MIPOL1: variants seen among roughly 807,000 people sequenced by gnomAD.
The protein encoded by MIPOL1 is mirror-image polydactyly gene 1 protein.
Under a neutral mutation model 60.9 loss-of-function variants are expected in MIPOL1, and 57 were observed. The ratio of observed to expected loss-of-function variants is 0.94; its 90% CI spans 0.76 to 1.17. The LOEUF is 1.17. Among genes scored for constraint, MIPOL1 ranks in the 50% most tolerant of loss-of-function variants. The pLI is 0.00. For synonymous variants in MIPOL1, 179 were observed against 168.8 expected, an observed-to-expected ratio of 1.06 and a Z score of -0.47; for missense variants, 551 against 511.6, an observed-to-expected ratio of 1.08 and a Z score of -0.74.
intron 10 of MIPOL1, among the ~76,000 whole-genome samples, chr14:37,373,040 G>A (rs1163512647): frequency 6.6e-6 from 1 of 152,122 alleles, no homozygotes; most frequent in Non-Finnish European, 1.5e-5. Flanking sequence ...GTCTCACTCA[G>A]TCGCCCTGGC....
At chr14:37,391,051 G>A (rs2093222784) in intron 10 of MIPOL1, among the ~76,000 whole-genome samples, 1 of 151,998 alleles carries the variant, frequency 6.6e-6, no homozygotes, top group Non-Finnish European at 1.5e-5. Flanking sequence ...GTTGTTCAAA[G>A]AACAGCATTA....
rs565060475 is a variant in MIPOL1, at chr14:37,285,476, T to C, written c.623+29T>C. ...TGTACACATTTAAAACTCAGTATGA[T>C]ATTAGGAACACTTATAAAAGGCATG... On this transcript the variant is annotated intron_variant, in intron 7 of 12. Coordinates refer to ENST00000684589, the MANE Select transcript of MIPOL1 (RefSeq NM_001388067.1). 147 of 1,603,536 alleles carry C rather than the reference T, an allele frequency of 9.2e-5. 1 individual carries two copies. In the South Asian group the frequency reaches 1.3e-3, roughly 14 times the overall value.
Position 37,491,583 on chromosome 14 carries a change from A to G in MIPOL1, c.1032-8325A>G, listed in dbSNP as rs576325997. Among the ~76,000 whole-genome samples, 109 of 152,350 alleles carry G rather than the reference A, an allele frequency of 7.2e-4. 3 individuals are homozygous for G. The South Asian group carries it at 0.022, about 30-fold the overall frequency. The stretch of plus-strand genomic sequence containing the variant: ...TTAATGCTTCCTTAGAATTATTTGT[A>G]TAGGTTGTTACATTTCTAAACATGA... On this transcript the variant is annotated intron_variant, in intron 11 of 12. Transcript: ENST00000684589.
At chr14:37,421,824 T>A (rs1463409300) in intron 10 of MIPOL1, among the ~76,000 whole-genome samples, 4 of 147,212 alleles carry the variant, frequency 2.7e-5, no homozygotes, top group Non-Finnish European at 5.9e-5. Flanking sequence ...TTTTACAATT[T>A]TTCTTATGAC....
intron 11 of MIPOL1, among the ~76,000 whole-genome samples, chr14:37,471,925 C>T (rs1047924845): frequency 1.3e-5 from 2 of 152,164 alleles, no homozygotes; most frequent in East Asian, 1.9e-4. Context: ...CCTAGCAAAG[C>T]GCCCAGCACA....
chr14:37,381,756 T>TA (rs1459693717), intron 10 of MIPOL1, among the ~76,000 whole-genome samples: 3 of 151,702 alleles, frequency 2.0e-5, no homozygotes, highest in East Asian at 1.9e-4. Context: ...CTAATTTTTT[T>TA]TTTTTTTATT....
At chr14:37,407,835 T>A (rs2093614103) in intron 10 of MIPOL1, among the ~76,000 whole-genome samples, 1 of 86,080 alleles carries the variant, frequency 1.2e-5, no homozygotes, top group East Asian at 3.6e-4. Context: ...TTTTCTTTCT[T>A]CTTCTTCTTC....
At chr14:37,446,760 T>C (rs1033164651) in intron 11 of MIPOL1, among the ~76,000 whole-genome samples, 1 of 152,150 alleles carries the variant, frequency 6.6e-6, no homozygotes, top group Non-Finnish European at 1.5e-5. Flanking sequence ...AATGATGAGT[T>C]CATGTCCTTT....
chr14:37,377,945 A>G (rs1264354204), intron 10 of MIPOL1, among the ~76,000 whole-genome samples: 1 of 152,000 alleles, frequency 6.6e-6, no homozygotes, highest in Non-Finnish European at 1.5e-5. Context: ...ACTTTTTAAA[A>G]TTAAAATTAT....
intron 6 of MIPOL1, among the ~76,000 whole-genome samples, chr14:37,285,037 G>T (rs936506598): frequency 6.6e-6 from 1 of 152,088 alleles, no homozygotes; most frequent in East Asian, 1.9e-4. Flanking sequence ...CTGCCTATCT[G>T]CAATATGTGT....
intron 10 of MIPOL1, among the ~76,000 whole-genome samples, chr14:37,389,304 T>C (rs1377848541): frequency 6.6e-6 from 1 of 152,124 alleles, no homozygotes; most frequent in Non-Finnish European, 1.5e-5. Context: ...TATGCTGGCA[T>C]GTAGTAAAAC....
At chr14:37,270,903 A>T (rs552277038) in intron 6 of MIPOL1, among the ~76,000 whole-genome samples, 2 of 152,128 alleles carry the variant, frequency 1.3e-5, no homozygotes, top group Admixed American at 1.3e-4. Context: ...GAGAGGAAAT[A>T]CTTCTCCTTT....
chr14:37,435,947 A>T (rs940121018), intron 11 of MIPOL1, among the ~76,000 whole-genome samples: 18 of 152,162 alleles, frequency 1.2e-4, no homozygotes, highest in African/African-American at 3.9e-4. Context: ...TAATTTTTTT[A>T]AAATAGATTT....
In MIPOL1 at chr14:37,473,640, C is replaced by T. The variant is rs78172994; in HGVS notation, c.1032-26268C>T. Among the ~76,000 whole-genome samples, 463 of 152,228 alleles carry T rather than the reference C, an allele frequency of 3.0e-3. 3 individuals are homozygous for T. The highest frequency in any genetic ancestry group is 0.01 in the African/African-American group (429 of 41,528). On this transcript the variant is annotated intron_variant, in intron 11 of 12. Coordinates refer to ENST00000684589, the MANE Select transcript of MIPOL1 (RefSeq NM_001388067.1). ...AATTAAGGAAGTAGCACAGAGTTCC[C>T]ACATAACCTCCCCAGCACACAGTTT...
chr14:37,544,610 C>T (rs184534336), intron 12 of MIPOL1, among the ~76,000 whole-genome samples: 6 of 152,346 alleles, frequency 3.9e-5, no homozygotes, highest in Non-Finnish European at 8.8e-5. Context: ...GTCTACCTTC[C>T]TGTTGGCACA....
At chr14:37,200,826 A>C (rs1965126114) in intron 1 of MIPOL1, among the ~76,000 whole-genome samples, 1 of 150,056 alleles carries the variant, frequency 6.7e-6, no homozygotes, top group South Asian at 2.1e-4. Context: ...AGAGAAATAT[A>C]GATCCATAAT....
intron 9 of MIPOL1, among the ~76,000 whole-genome samples, chr14:37,320,547 G>C (rs1476768961): frequency 1.3e-5 from 2 of 151,764 alleles, no homozygotes; most frequent in Non-Finnish European, 2.9e-5. Context: ...TACAGTCTGT[G>C]GCTTGCATTT....
At chr14:37,528,762 T>A (rs2095463108) in intron 12 of MIPOL1, among the ~76,000 whole-genome samples, 1 of 152,188 alleles carries the variant, frequency 6.6e-6, no homozygotes, top group Non-Finnish European at 1.5e-5. Context: ...ATGCTTTTTT[T>A]ATAACTTTCA....
intron 9 of MIPOL1, among the ~76,000 whole-genome samples, chr14:37,334,241 A>C (rs977205149): frequency 1.3e-5 from 2 of 152,050 alleles, no homozygotes; most frequent in Admixed American, 1.3e-4. Flanking sequence ...ATTTTCAAAG[A>C]ATTTATTCAT....
Sources: allele counts gnomAD v4.1 joint callset (sites outside exome capture counted in the v4.1 genomes callset), GRCh38; gene constraint gnomAD v4.1.1; transcripts MANE v1.5; gene names NCBI Gene and HGNC (gene_info 2026-07-23, HGNC 2026-07-21).